Variants in TXNDC11 observed in about 807,000 individuals in gnomAD.
TXNDC11 encodes thioredoxin domain-containing protein 11.
In TXNDC11, 68 loss-of-function variants were observed where a neutral mutation model predicts 78.0. The ratio of observed to expected loss-of-function variants is 0.87; its 90% CI spans 0.72 to 1.07. The LOEUF is 1.07. TXNDC11 is among the 50% of genes least tolerant of loss of function. TXNDC11 has a pLI of 0.00. For missense variants in TXNDC11, 1,389 were observed against 1,221.8 expected (o/e 1.14, Z -2.04); for synonymous variants, 571 against 495.2 (o/e 1.15, Z -2.03).
rs1334093072 is a variant in TXNDC11 at position 11,679,851 on chromosome 16, G to A, written c.2235-14C>T. The stretch of plus-strand genomic sequence containing the variant: ...CTTAGGTCCTTTCTGGAGAGAGAGG[G>A]AAAGGAAGCAAAGACAGGAGTCACA... On this transcript the variant is annotated splice_polypyrimidine_tract_variant and intron_variant, in intron 11 of 11. Transcript: ENST00000283033. This position sits in a 1 kb window ranked among gnomAD's most constrained non-coding sequence, Gnocchi z 4.6. 3.1e-6 allele frequency: 5 copies of A among 1,597,118 alleles called. No individual in the cohort carries two copies. Among genetic ancestry groups the A allele is most frequent in the Admixed American group, 1.7e-5 (1 of 59,188 alleles).
chr16:11,713,094 TG>T (rs2051413825), intron 5 of TXNDC11, among the ~76,000 whole-genome samples: 1 of 117,568 alleles, frequency 8.5e-6, no homozygotes. Context: ...GCAACAAGAG[TG>T]AAACTCTGTC....
At chr16:11,685,093 G>A (rs1321379844) in intron 10 of TXNDC11, among the ~76,000 whole-genome samples, 3 of 152,258 alleles carry the variant, frequency 2.0e-5, no homozygotes, top group Admixed American at 2.0e-4. Context: ...GCTGAGCACA[G>A]GGGCTCACGC....
chr16:11,720,901 G>T (rs2051685464), intron 5 of TXNDC11, among the ~76,000 whole-genome samples: 1 of 151,138 alleles, frequency 6.6e-6, no homozygotes. Context: ...ACCACCACAC[G>T]TGCCTAATTT....
chr16:11,684,202 C>T lies in TXNDC11; in HGVS notation c.2197G>A (p.Asp733Asn), dbSNP rs960874058. The change falls in exon 11 of 12, where the codon GAT becomes AAT. Residue 733 changes from aspartate to asparagine, a missense_variant. By Grantham distance (23) the Asp-to-Asn change is conservative. Transcript: ENST00000283033. ...AAAAACAAGACAGTAGGAAGACGAT[C>T]GACCATAAATTCCCAAGGAAGGTCA... ...QNDLPWEFMVDRLPTVLFFPC... is the reference protein window; with the variant it reads ...QNDLPWEFMVNRLPTVLFFPC... The T allele has an allele frequency of 2.0e-5, 32 of 1,613,820 alleles. No individual in the cohort carries two copies. The East Asian group carries it at 5.8e-4, about 29-fold the overall frequency.
chr16:11,721,896 G>T (rs1305883179), intron 4 of TXNDC11, among the ~76,000 whole-genome samples: 2 of 152,128 alleles, frequency 1.3e-5, no homozygotes, highest in Non-Finnish European at 2.9e-5. Context: ...AGCTTTGACA[G>T]GATTGTACAG....
chr16:11,689,295 T>G (rs1410183293), intron 8 of TXNDC11, among the ~76,000 whole-genome samples: 1 of 152,110 alleles, frequency 6.6e-6, no homozygotes, highest in Non-Finnish European at 1.5e-5. Flanking sequence ...CCCTCCATTT[T>G]GAGGTGCAAT....
chr16:11,679,822 C>T lies in TXNDC11; in HGVS notation c.2250G>A (p.Val750=), dbSNP rs1459096514. 1 of 1,612,418 alleles carries T rather than the reference C, an allele frequency of 6.2e-7. No individual in the cohort carries two copies. The highest frequency in any genetic ancestry group is 8.5e-7 in the Non-Finnish European group (1 of 1,178,792). The change falls in exon 12 of 12, where the codon GTG becomes GTA. Residue 750 remains valine (V), a synonymous_variant. Transcript: ENST00000283033. The surrounding 1 kb of genome is among the most constrained non-coding windows in gnomAD (Gnocchi z 4.6). ...FFPCNRKDLS[V]KYPEDVPITL... is the part of the protein sequence containing the mutation. ...TGATGGGGACGTCTTCGGGGTATTT[C>T]ACACTTAGGTCCTTTCTGGAGAGAG...
intron 3 of TXNDC11, 33 bp from the exon 4 acceptor site, chr16:11,730,807 T>A: frequency 1.4e-6 from 2 of 1,452,446 alleles, no homozygotes; most frequent in East Asian, 2.5e-5. Context: ...AAAATAAAAA[T>A]AATAAAAATA....
chr16:11,719,480 T>C (rs2051639898), intron 5 of TXNDC11, among the ~76,000 whole-genome samples: 1 of 152,266 alleles, frequency 6.6e-6, no homozygotes, highest in African/African-American at 2.4e-5. Context: ...GTGAATATAG[T>C]AGATTCTCTG....
chr16:11,712,370 C>T (rs2051388135), intron 5 of TXNDC11, among the ~76,000 whole-genome samples: 1 of 152,080 alleles, frequency 6.6e-6, no homozygotes, highest in Non-Finnish European at 1.5e-5. Context: ...GGCTAAGCCT[C>T]CCACCCCCCA....
chr16:11,682,221 C>G (rs2050441445), intron 11 of TXNDC11, among the ~76,000 whole-genome samples: 1 of 152,246 alleles, frequency 6.6e-6, no homozygotes, highest in African/African-American at 2.4e-5. Context: ...AAACCAAACA[C>G]TCGCTTGGGA....
At chr16:11,696,765 G>T (rs1390086181) in intron 7 of TXNDC11, among the ~76,000 whole-genome samples, 1 of 152,114 alleles carries the variant, frequency 6.6e-6, no homozygotes, top group Middle Eastern at 3.2e-3. Flanking sequence ...ACTGCTGGAG[G>T]GGACACTCAT....
chr16:11,693,764 T>C (rs1014547808), intron 7 of TXNDC11, among the ~76,000 whole-genome samples: 2 of 152,202 alleles, frequency 1.3e-5, no homozygotes, highest in Non-Finnish European at 2.9e-5. Flanking sequence ...GGTTTTTGGA[T>C]GAGGCTCTGA....
At chr16:11,702,973 C>A (rs897714688) in intron 5 of TXNDC11, among the ~76,000 whole-genome samples, 2 of 152,046 alleles carry the variant, frequency 1.3e-5, no homozygotes, top group African/African-American at 4.8e-5. Context: ...ATAAGCCAGG[C>A]TGGGGAAAGG....
Position 11,716,522 on chromosome 16 carries a change from C to T in TXNDC11, c.793+5055G>A, listed in dbSNP as rs141626366. On this transcript the variant is annotated intron_variant, in intron 5 of 11. Transcript: ENST00000283033. ...GCTGATTTCCTCCAGGCTTTTGAAACATATACAAAGATTGCCAGCCCACAA... is the reference window on the plus strand; with the variant it reads ...GCTGATTTCCTCCAGGCTTTTGAAATATATACAAAGATTGCCAGCCCACAA... Among the ~76,000 whole-genome samples, 341 of 152,198 alleles carry T rather than the reference C, an allele frequency of 2.2e-3. 1 individual carries two copies. The highest frequency in any genetic ancestry group is 7.9e-3 in the African/African-American group (329 of 41,536).
At chr16:11,713,419 T>G (rs1008168853) in intron 5 of TXNDC11, among the ~76,000 whole-genome samples, 1 of 152,174 alleles carries the variant, frequency 6.6e-6, no homozygotes, top group African/African-American at 2.4e-5. Context: ...TATGGAATTT[T>G]TTTTCCTTTT....
chr16:11,737,337 C>T (rs2052253125), intron 1 of TXNDC11, among the ~76,000 whole-genome samples: 6 of 151,228 alleles, frequency 4.0e-5, no homozygotes, highest in Admixed American at 4.0e-4. Context: ...CCCAGCTTCT[C>T]GGGAAGCTGA....
chr16:11,725,861 T>G (rs1400086107), intron 4 of TXNDC11, among the ~76,000 whole-genome samples: 1 of 152,190 alleles, frequency 6.6e-6, no homozygotes, highest in Non-Finnish European at 1.5e-5. Flanking sequence ...AGAAATTGTT[T>G]CTGGTCTCAG....
At chr16:11,736,694 A>G (rs890045317) in intron 1 of TXNDC11, among the ~76,000 whole-genome samples, 1 of 152,238 alleles carries the variant, frequency 6.6e-6, no homozygotes, top group African/African-American at 2.4e-5. Flanking sequence ...GAAAACATTA[A>G]GCTTATTAGC....
Sources: gnomAD v4.1 joint callset for allele counts (sites outside exome capture counted in the v4.1 genomes callset) on GRCh38, gnomAD v4.1.1 for gene constraint, Gnocchi (gnomAD v3.1) non-coding constraint, MANE v1.5 for transcripts, NCBI Gene and HGNC (gene_info 2026-07-23, HGNC 2026-07-21) for gene names.